The following ANO3 variants were observed in gnomAD, a reference collection of about 807,000 sequenced individuals.
ANO3 encodes the protein anoctamin-3.
Under a neutral mutation model 144.8 loss-of-function variants are expected in ANO3, and 99 were observed. That is an observed-to-expected ratio of 0.68 (90% CI 0.58 to 0.81). The LOEUF (loss-of-function observed/expected upper bound fraction) is 0.81, where lower values mean the gene tolerates loss of function less well. Among genes scored for constraint, ANO3 ranks in the 30% least tolerant of loss-of-function variants. ANO3 has a pLI of 0.00. For missense variants in ANO3, 905 were observed against 1,202.2 expected, an observed-to-expected ratio of 0.75 and a Z score of 3.66; for synonymous variants, 414 against 392.6, an observed-to-expected ratio of 1.05 and a Z score of -0.64.
At chr11:26,263,713 T>C (rs1173256174) in intron 1 of ANO3, among the ~76,000 whole-genome samples, 2 of 152,226 alleles carry the variant, frequency 1.3e-5, no homozygotes, top group African/African-American at 4.8e-5. Flanking sequence ...AAAATTACAG[T>C]GAAAAGCCCA....
At chr11:26,263,537 C>T (rs1252163831) in intron 1 of ANO3, among the ~76,000 whole-genome samples, 1 of 152,204 alleles carries the variant, frequency 6.6e-6, no homozygotes, top group Admixed American at 6.5e-5. Flanking sequence ...CATCTCCTGC[C>T]TAGCCTCTCT....
intron 1 of ANO3, among the ~76,000 whole-genome samples, chr11:26,339,118 G>T (rs12793737): frequency 0.32 from 49,122 of 151,514 alleles, 8,140 homozygotes; most frequent in African/African-American, 0.38. Flanking sequence ...AAGATCTAGG[G>T]TTTGAACGCA....
At chr11:26,641,849 A>T in intron 21 of ANO3, 47 bp from the exon 22 acceptor site, 1 of 1,579,600 alleles carries the variant, frequency 6.3e-7, no homozygotes, top group African/African-American at 1.4e-5. Flanking sequence ...TGTTAACCAG[A>T]TGCTTGAATC....
At chr11:26,210,378 T>G (rs937488222) in intron 1 of ANO3, among the ~76,000 whole-genome samples, 1 of 152,220 alleles carries the variant, frequency 6.6e-6, no homozygotes, top group African/African-American at 2.4e-5. Flanking sequence ...CCTGTTTTGG[T>G]TACTGTAGCC....
chr11:26,547,341 C>G, intron 11 of ANO3, 75 bp from the exon 12 acceptor site: 1 of 1,454,592 alleles, frequency 6.9e-7, no homozygotes, highest in Non-Finnish European at 9.5e-7. Flanking sequence ...GAAATTCTGA[C>G]TAGGTGTGGC....
chr11:26,593,555 G>A (rs1207162102), intron 14 of ANO3, among the ~76,000 whole-genome samples: 2 of 152,152 alleles, frequency 1.3e-5, no homozygotes, highest in East Asian at 3.9e-4. Context: ...CTGTGAGGGT[G>A]ATGGCATGGG....
chr11:26,563,167 T>C (rs763485251), intron 14 of ANO3: 1 of 1,612,492 alleles, frequency 6.2e-7, no homozygotes, highest in Non-Finnish European at 8.5e-7. Context: ...GAATCCGTTT[T>C]CCTTTTTCCA....
intron 1 of ANO3, among the ~76,000 whole-genome samples, chr11:26,207,345 T>A (rs535315388): frequency 4.1e-4 from 63 of 152,328 alleles, no homozygotes; most frequent in African/African-American, 1.5e-3. Flanking sequence ...TTTAGAAGTC[T>A]GAAAGCAAAA....
At chr11:26,556,429 T>A (rs1850083693) in intron 13 of ANO3, among the ~76,000 whole-genome samples, 1 of 151,126 alleles carries the variant, frequency 6.6e-6, no homozygotes, top group East Asian at 1.9e-4. Context: ...ACAACAGAAG[T>A]AGGAGAGAAG....
chr11:26,390,280 A>G (rs1856840007), intron 1 of ANO3, among the ~76,000 whole-genome samples: 1 of 152,124 alleles, frequency 6.6e-6, no homozygotes. Context: ...ATTAAGCTCT[A>G]AGTAATTGAA....
intron 1 of ANO3, among the ~76,000 whole-genome samples, chr11:26,273,259 C>T (rs1853485518): frequency 6.8e-6 from 1 of 147,918 alleles, no homozygotes; most frequent in Admixed American, 6.8e-5. Context: ...TTGGACAATG[C>T]CCTGACCAGC....
Position 26,647,788 on chromosome 11 carries a change from T to G in ANO3, c.2508T>G (p.Asp836Glu). The G allele has an allele frequency of 6.2e-7, 1 of 1,613,574 alleles. No homozygotes were observed. Among genetic ancestry groups the G allele is most frequent in the Non-Finnish European group, 8.5e-7 (1 of 1,179,634 alleles). Residue 836 changes from aspartate (D) to glutamate (E), a missense_variant, in exon 24 of 27, where the codon GAT (aspartate) becomes GAG (glutamate). This residue lies in a region of ANO3 where 597 missense variants were observed against 865.1 expected (regional missense o/e 0.69). Transcript: ENST00000256737. ...CATTTGTAATTGCTATTACTTCTGA[T>G]TACATCCCACGTTTTGTTTATGAAT... ...TNAFVIAITS[D>E]YIPRFVYEYK...
intron 4 of ANO3, among the ~76,000 whole-genome samples, chr11:26,485,634 G>A (rs1016046458): frequency 1.3e-5 from 2 of 152,070 alleles, no homozygotes; most frequent in African/African-American, 4.8e-5. Context: ...TTTTTCATAT[G>A]CTTGGTCCTT....
At chr11:26,544,661 A>C (rs1157109487) in intron 11 of ANO3, among the ~76,000 whole-genome samples, 1 of 151,878 alleles carries the variant, frequency 6.6e-6, no homozygotes, top group Admixed American at 6.6e-5. Flanking sequence ...TAGTCATTCA[A>C]AGCTATATGC....
intron 5 of ANO3, chr11:26,508,636 C>T (rs1861527792): frequency 9.9e-6 from 2 of 202,414 alleles, no homozygotes; most frequent in South Asian, 3.8e-4. Flanking sequence ...GTTTTCTTCC[C>T]AAATCTTTTT....
In ANO3 at chr11:26,525,686, G is replaced by C; in HGVS notation, c.737+7G>C. 1 of 1,606,496 alleles carries C rather than the reference G, an allele frequency of 6.2e-7. No homozygotes were observed. Among genetic ancestry groups the C allele is most frequent in the Non-Finnish European group, 8.5e-7 (1 of 1,176,224 alleles). Reference sequence around the variant, plus strand: ...GGAGCAAATCAATGGGCAGGTTGGTGGGTGATGAATCATTTCTTTATAACA... The same window carrying C: ...GGAGCAAATCAATGGGCAGGTTGGTCGGTGATGAATCATTTCTTTATAACA... On this transcript the variant is annotated splice_region_variant and intron_variant, in intron 7 of 26. Coordinates refer to ENST00000256737, the MANE Select transcript of ANO3 (RefSeq NM_031418.4).
At chr11:26,445,524 G>A (rs1221914618) in intron 3 of ANO3, among the ~76,000 whole-genome samples, 2 of 151,648 alleles carry the variant, frequency 1.3e-5, no homozygotes, top group African/African-American at 2.4e-5. Flanking sequence ...TGTGTGTCTC[G>A]GTTATTTGTT....
chr11:26,622,119 G>A (rs1284534019), intron 17 of ANO3, among the ~76,000 whole-genome samples: 4 of 152,272 alleles, frequency 2.6e-5, no homozygotes, highest in East Asian at 1.9e-4. Context: ...CAGTGATGTT[G>A]CCAGTCAGCC....
At chr11:26,396,544 C>G (rs183353049) in intron 1 of ANO3, among the ~76,000 whole-genome samples, 2 of 152,186 alleles carry the variant, frequency 1.3e-5, no homozygotes, top group Admixed American at 1.3e-4. Flanking sequence ...GGAACCAACC[C>G]AAATGCCCAT....
Sources: allele counts gnomAD v4.1 joint callset (sites outside exome capture counted in the v4.1 genomes callset), GRCh38; gene constraint gnomAD v4.1.1; regional missense constraint gnomAD v4.1.1; transcripts MANE v1.5; gene names NCBI Gene and HGNC (gene_info 2026-07-23, HGNC 2026-07-21).